N4BP2: variants seen among roughly 807,000 people sequenced by gnomAD.
N4BP2 encodes the protein NEDD4 binding protein 2.
A neutral mutation model predicts 152.8 loss-of-function variants in N4BP2; 91 were observed. The observed-to-expected ratio is 0.60, with a 90% CI of 0.50 to 0.71. The LOEUF is 0.71. N4BP2 is among the 30% of genes least tolerant of loss of function. The probability of loss-of-function intolerance (pLI) is 0.00; values close to 1 mark genes in which losing one functional copy is unlikely to be tolerated. For synonymous variants in N4BP2, 646 were observed against 705.3 expected (o/e 0.92, Z 1.33); for missense variants, 1,923 against 2,059.1 (o/e 0.93, Z 1.28).
rs1188748322 is a variant in N4BP2 at position 40,126,223 on chromosome 4, G to A, written c.4420G>A (p.Ala1474Thr). 6.2e-7 allele frequency: 1 copy of A among 1,608,840 alleles called. No homozygotes were observed. Among genetic ancestry groups the A allele is most frequent in the South Asian group, 1.1e-5 (1 of 90,084 alleles). The part of the protein sequence containing the change: ...TGKKLLKTLT[A>T]SEMLPLLDHW... ...CAAAAAATTACTGAAGACTTTAACA[G>A]CATCTGAAATGCTACCTTTATTGGA... The change falls in exon 12 of 18, where the codon GCA becomes ACA. Residue 1474 changes from alanine (A) to threonine (T), a missense_variant. Coordinates refer to ENST00000261435, the MANE Select transcript of N4BP2 (RefSeq NM_018177.6).
the N4BP2 span, among the ~76,000 whole-genome samples, chr4:40,180,638 A>G: frequency 6.6e-6 from 1 of 152,246 alleles, no homozygotes; most frequent in African/African-American, 2.4e-5. Context: ...ATCATTTTGT[A>G]CAAGTATAGC....
At position 40,095,051 on chromosome 4, in the gene N4BP2, C is replaced by T. The variant is rs1015471517; in HGVS notation, c.-114-2176C>T. 1.3e-5 allele frequency among the ~76,000 whole-genome samples: 2 copies of T among 151,370 alleles called. 1 individual carries two copies. The highest frequency in any genetic ancestry group is 1.3e-4 in the Admixed American group (2 of 15,176). The stretch of plus-strand genomic sequence containing the variant: ...CCCATTGTCCAACGTGCTGGGATTA[C>T]AGTCGCGAGCCCCTGAGTCTGGCCA... On this transcript the variant is annotated intron_variant, in intron 2 of 17. Coordinates refer to ENST00000261435, the MANE Select transcript of N4BP2 (RefSeq NM_018177.6).
At chr4:40,185,937 C>T in the N4BP2 span, among the ~76,000 whole-genome samples, 2 of 152,168 alleles carry the variant, frequency 1.3e-5, no homozygotes, top group African/African-American at 4.8e-5. Context: ...TTTCCCACTA[C>T]CTCTTTCTTT....
Position 40,097,415 on chromosome 4 carries a change from C to T in N4BP2, c.75C>T (p.Ser25=). 1 of 1,614,106 alleles carries T rather than the reference C, an allele frequency of 6.2e-7. No individual in the cohort carries two copies. ...KTANPKEVVV[S]SVASREEPTT... ...CAAACCCTAAGGAAGTTGTCGTATC[C>T]AGTGTTGCTAGTCGTGAGGAGCCAA... Residue 25 remains serine (S), a synonymous_variant, in exon 3 of 18, where the codon TCC becomes TCT. Transcript: ENST00000261435.
chr4:40,166,859 C>G, the N4BP2 span: 1 of 152,142 alleles, frequency 6.6e-6, no homozygotes, highest in African/African-American at 2.4e-5. Flanking sequence ...TCCCCTCAAG[C>G]ATTTATCCTT....
In N4BP2 at chr4:40,102,461, T is replaced by C. The variant is rs370045457; in HGVS notation, c.616T>C (p.Ser206Pro). 2.0e-5 allele frequency: 33 copies of C among 1,613,594 alleles called. No homozygotes were observed. The African/African-American group carries it at 4.0e-4, about 20-fold the overall frequency. ...MNLNGENLEN[S>P]GSTLSLNPLP... ...TTTGAACGGTGAAAATTTAGAGAAT[T>C]CTGGTTCTACTTTAAGTTTAAACCC... The change falls in exon 4 of 18, where the codon TCT becomes CCT. Residue 206 changes from serine to proline, a missense_variant. Physicochemically the swap from Ser to Pro is moderately conservative, Grantham distance 74. Coordinates refer to ENST00000261435, the MANE Select transcript of N4BP2 (RefSeq NM_018177.6).
intron 1 of N4BP2, among the ~76,000 whole-genome samples, chr4:40,059,167 A>C (rs1167052915): frequency 6.6e-6 from 1 of 152,080 alleles, no homozygotes; most frequent in Admixed American, 6.6e-5. Context: ...CTCCCTTTTC[A>C]TCATGATTAG....
chr4:40,083,022 G>T, intron 2 of N4BP2: 1 of 276,438 alleles, frequency 3.6e-6, no homozygotes, highest in Non-Finnish European at 7.4e-6. Flanking sequence ...TACACTGACT[G>T]TATAGAAAGA....
At chr4:40,179,442 G>A in the N4BP2 span, among the ~76,000 whole-genome samples, 3 of 152,168 alleles carry the variant, frequency 2.0e-5, no homozygotes, top group African/African-American at 7.2e-5. Context: ...ACTAATAGTA[G>A]CTAATGTTTA....
rs892669234 is a variant in N4BP2, at chr4:40,092,948, C to CT, written c.-114-4268dup. On this transcript the variant is annotated intron_variant, in intron 2 of 17. Coordinates refer to ENST00000261435, the MANE Select transcript of N4BP2 (RefSeq NM_018177.6). ...CATGAGCCACCGTGCCCGGCCTGCT[C>CT]TTTTTTTTTTTAAAGATGGAGTCTT... 1.4e-3 allele frequency among the ~76,000 whole-genome samples: 192 copies of CT among 139,702 alleles called. 2 individuals carry two copies. Among genetic ancestry groups the CT allele is most frequent in the Admixed American group, 1.8e-3 (25 of 13,764 alleles). The allele number at this position is 139,702 out of a possible 152,430, so 91.6% of individuals were successfully genotyped here.
chr4:40,127,685 G>C (rs1718540540), intron 12 of N4BP2, among the ~76,000 whole-genome samples: 1 of 151,600 alleles, frequency 6.6e-6, no homozygotes, highest in African/African-American at 2.4e-5. Context: ...TTTTGAGATG[G>C]AGTCTCGCTC....
At chr4:40,085,587 G>A (rs147801678) in intron 2 of N4BP2, among the ~76,000 whole-genome samples, 4 of 151,998 alleles carry the variant, frequency 2.6e-5, no homozygotes, top group South Asian at 4.2e-4. Flanking sequence ...TTCCAGAGTC[G>A]CTGGAATTAC....
intron 8 of N4BP2, among the ~76,000 whole-genome samples, chr4:40,118,429 T>C (rs1231846319): frequency 6.6e-6 from 1 of 151,228 alleles, no homozygotes; most frequent in Non-Finnish European, 1.5e-5. Flanking sequence ...CAAAACTCCA[T>C]TTCAAAAAAT....
Position 40,142,683 on chromosome 4 carries a change from TAA to T in N4BP2, c.4799_4800del (p.Lys1600ArgfsTer3), listed in dbSNP as rs993560175. 1.4e-5 allele frequency: 22 copies of T among 1,605,374 alleles called. No homozygotes were observed. Among genetic ancestry groups the T allele is most frequent in the Non-Finnish European group, 1.9e-5 (22 of 1,177,366 alleles). On this transcript the variant is annotated frameshift_variant, in exon 15 of 18. Coordinates refer to ENST00000261435, the MANE Select transcript of N4BP2 (RefSeq NM_018177.6). LOFTEE classifies it high-confidence loss of function. ...TTTAATATCTTATAGCCAAAGAAAT[TAA>T]AAGAGACTGAAGAAACACCAAGTGA... is the stretch of plus-strand genomic sequence containing the variant.
chr4:40,126,108 A>T (rs146121108), intron 11 of N4BP2, 26 bp from the exon 12 acceptor site: 2 of 1,369,064 alleles, frequency 1.5e-6, no homozygotes, highest in African/African-American at 3.0e-5. Context: ...TGTTGAGAGT[A>T]TGACAGTATT....
At chr4:40,140,163 G>A (rs1180641678) in intron 14 of N4BP2, among the ~76,000 whole-genome samples, 1 of 151,966 alleles carries the variant, frequency 6.6e-6, no homozygotes, top group Non-Finnish European at 1.5e-5. Flanking sequence ...ACCACTCAGG[G>A]GTAAATTAAG....
At chr4:40,104,071 G>A (rs896972109) in intron 4 of N4BP2, among the ~76,000 whole-genome samples, 19 of 152,024 alleles carry the variant, frequency 1.2e-4, no homozygotes, top group Admixed American at 1.2e-3. Context: ...TCCTGCCTCA[G>A]CCTCCCGAGC....
chr4:40,120,003 A>G lies in N4BP2; in HGVS notation c.1892A>G (p.Glu631Gly), dbSNP rs1316650231. The G allele has an allele frequency of 1.3e-6, 2 of 1,569,596 alleles. No individual in the cohort carries two copies. Among genetic ancestry groups the G allele is most frequent in the African/African-American group, 2.7e-5 (2 of 73,292 alleles). ...TTATCTTTATCTTTGAAGCATCTAG[A>G]GTTCACTGAAGAGAAGAATCTTGAT... Reference protein sequence around the residue: ...NILSLSLKHLEFTEEKNLDVT... With the variant: ...NILSLSLKHLGFTEEKNLDVT... Residue 631 changes from glutamate (E) to glycine (G), a missense_variant, in exon 9 of 18, where the codon GAG becomes GGG. Transcript: ENST00000261435.
chr4:40,082,890 C>T (rs1319782513), intron 2 of N4BP2: 2 of 155,232 alleles, frequency 1.3e-5, no homozygotes, highest in Non-Finnish European at 2.9e-5. Flanking sequence ...TTAGTAGAGA[C>T]GGGGTTTCAC....
Sources: gnomAD v4.1 joint callset for allele counts (sites outside exome capture counted in the v4.1 genomes callset) on GRCh38, gnomAD v4.1.1 for gene constraint, MANE v1.5 for transcripts, NCBI Gene and HGNC (gene_info 2026-07-23, HGNC 2026-07-21) for gene names.